PDE4D: variants seen among roughly 807,000 people sequenced by gnomAD.
The protein encoded by PDE4D is 3',5'-cyclic-AMP phosphodiesterase 4D.
In PDE4D, 24 loss-of-function variants were observed where a neutral mutation model predicts 87.4. The observed-to-expected ratio is 0.27, with a 90% CI of 0.20 to 0.39. PDE4D has a LOEUF of 0.39. Ranked by LOEUF, PDE4D falls within the 10% of genes least tolerant of loss-of-function variation. The pLI is 1.00. For missense variants in PDE4D, 714 were observed against 1,041.0 expected (o/e 0.69, Z 4.32); for synonymous variants, 384 against 383.2 (o/e 1.00, Z -0.02).
chr5:60,502,427 CAGG>C (rs1292787076), intron 1 of PDE4D, among the ~76,000 whole-genome samples: 1 of 152,146 alleles, frequency 6.6e-6, no homozygotes, highest in Non-Finnish European at 1.5e-5. Flanking sequence ...AGTTTGAAGT[CAGG>C]TAGTGTGATG....
At chr5:60,415,507 T>C (rs28460011) in intron 1 of PDE4D, among the ~76,000 whole-genome samples, 45,964 of 152,150 alleles carry the variant, frequency 0.3, 8,557 homozygotes, top group African/African-American at 0.53. Context: ...TGAAGGCCAG[T>C]GCGAGTTCCG....
At chr5:60,137,602 T>A (rs1780164779) in intron 2 of PDE4D, among the ~76,000 whole-genome samples, 1 of 152,198 alleles carries the variant, frequency 6.6e-6, no homozygotes, top group Non-Finnish European at 1.5e-5. Flanking sequence ...TTGAGAAGTG[T>A]CTGTTCATGT....
intron 1 of PDE4D, among the ~76,000 whole-genome samples, chr5:59,599,792 C>T (rs1827240162): frequency 6.6e-6 from 1 of 152,142 alleles, no homozygotes; most frequent in Non-Finnish European, 1.5e-5. Flanking sequence ...TCTTCCCCTT[C>T]CTTGGCTATC....
chr5:59,200,731 GTA>G (rs146833326), intron 2 of PDE4D, among the ~76,000 whole-genome samples: 2 of 116,282 alleles, frequency 1.7e-5, no homozygotes, highest in East Asian at 4.5e-4. Context: ...ATATGTGTAT[GTA>G]TATATATACA....
intron 1 of PDE4D, among the ~76,000 whole-genome samples, chr5:59,357,517 T>C (rs1462499914): frequency 2.6e-5 from 4 of 152,180 alleles, no homozygotes; most frequent in South Asian, 2.1e-4. Context: ...GGCAGATCAC[T>C]TTCAGAACTT....
In PDE4D at chr5:58,975,194, T is replaced by C; in HGVS notation, c.2014-114A>G. The stretch of plus-strand genomic sequence containing the variant: ...ACACTGAACAGAAGACTACTAAACT[T>C]AGTTTGGTAAAATTGTCACTATTTT... On this transcript the variant is annotated intron_variant, in intron 14 of 14. Coordinates refer to ENST00000340635, the MANE Select transcript of PDE4D (RefSeq NM_001104631.2). This position sits in a 1 kb window ranked among gnomAD's most constrained non-coding sequence, Gnocchi z 4.2. 1 of 566,950 alleles carries C rather than the reference T, an allele frequency of 1.8e-6. No homozygotes were observed. Among genetic ancestry groups the C allele is most frequent in the Non-Finnish European group, 2.9e-6 (1 of 350,760 alleles). The allele number at this position is 566,950 out of a possible 1,614,324, so 35.1% of individuals were successfully genotyped here.
chr5:59,254,532 A>G (rs917813969), intron 1 of PDE4D, among the ~76,000 whole-genome samples: 3 of 152,042 alleles, frequency 2.0e-5, no homozygotes, highest in Non-Finnish European at 4.4e-5. Flanking sequence ...ATGGTGCCGG[A>G]TGACTCAAAC....
intron 2 of PDE4D, among the ~76,000 whole-genome samples, chr5:60,093,021 A>G (rs550030489): frequency 1.3e-5 from 2 of 152,302 alleles, no homozygotes; most frequent in South Asian, 4.1e-4. Context: ...CCAACAGCTT[A>G]CAAGTGGTTA....
At chr5:59,229,016 CA>C (rs923115822) in intron 1 of PDE4D, among the ~76,000 whole-genome samples, 40 of 150,288 alleles carry the variant, frequency 2.7e-4, no homozygotes, top group South Asian at 1.0e-3. Context: ...TTTGAACAAA[CA>C]AACAAAAAAC....
intron 1 of PDE4D, among the ~76,000 whole-genome samples, chr5:60,468,691 T>A (rs950113551): frequency 6.6e-5 from 10 of 151,764 alleles, no homozygotes; most frequent in Non-Finnish European, 1.3e-4. Flanking sequence ...TCTGGCTAAC[T>A]TTTTTTTCCT....
chr5:59,834,628 C>T lies in PDE4D; in HGVS notation c.455+58540G>A, dbSNP rs139868787. Among the ~76,000 whole-genome samples, 370 of 152,124 alleles carry T rather than the reference C, an allele frequency of 2.4e-3. 2 individuals carry two copies. Among genetic ancestry groups the T allele is most frequent in the African/African-American group, 8.4e-3 (349 of 41,542 alleles). ...AAATTCAAAGGCTAAACATTTACTA[C>T]GCTTCATGCTCTTTGATCGTACTCT... On this transcript the variant is annotated intron_variant, in intron 1 of 14. Coordinates refer to ENST00000340635, the MANE Select transcript of PDE4D (RefSeq NM_001104631.2).
intron 2 of PDE4D, among the ~76,000 whole-genome samples, chr5:60,002,601 A>G (rs1764118576): frequency 6.6e-6 from 1 of 152,208 alleles, no homozygotes; most frequent in Non-Finnish European, 1.5e-5. Context: ...TAGATTTGCA[A>G]GTATGATCCA....
chr5:60,410,206 C>A lies in PDE4D; in HGVS notation c.-90+77736G>T, dbSNP rs538993855. Among the ~76,000 whole-genome samples, 17 of 152,240 alleles carry A rather than the reference C, an allele frequency of 1.1e-4. No homozygotes were observed. The East Asian group carries it at 2.7e-3, about 24-fold the overall frequency. Reference sequence around the variant, plus strand: ...AAGCCTGGCAAATAATGTGATGGCACCCTAGCAAAGGCTGGGTGTGGAGAG... The same window carrying A: ...AAGCCTGGCAAATAATGTGATGGCAACCTAGCAAAGGCTGGGTGTGGAGAG... On this transcript the variant is annotated intron_variant, in intron 1 of 16. Transcript: ENST00000502484.
At chr5:59,463,819 TG>T (rs1801129796) in intron 1 of PDE4D, among the ~76,000 whole-genome samples, 1 of 152,188 alleles carries the variant, frequency 6.6e-6, no homozygotes, top group Non-Finnish European at 1.5e-5. Flanking sequence ...AGATTGTCAC[TG>T]TGTCTGTGTA....
chr5:60,424,981 G>A (rs1434353160), intron 1 of PDE4D, among the ~76,000 whole-genome samples: 1 of 152,208 alleles, frequency 6.6e-6, no homozygotes, highest in Non-Finnish European at 1.5e-5. Flanking sequence ...TACAAGGGAT[G>A]TGAAGGACCT....
rs544661394 is a variant in PDE4D at position 59,168,528 on chromosome 5, A to T, written c.808+12067T>A. On this transcript the variant is annotated intron_variant, in intron 5 of 14. Coordinates refer to ENST00000340635, the MANE Select transcript of PDE4D (RefSeq NM_001104631.2). The stretch of plus-strand genomic sequence containing the variant: ...CTGGCAGGAATCCTTTCCTTAGCTT[A>T]TATAACTATAGAGAGTTTTTAGGGT... Among the ~76,000 whole-genome samples, 36 of 152,302 alleles carry T rather than the reference A, an allele frequency of 2.4e-4. No individual in the cohort carries two copies. The South Asian group carries it at 2.5e-3, about 11-fold the overall frequency.
intron 1 of PDE4D, among the ~76,000 whole-genome samples, chr5:60,404,013 A>G (rs1338592944): frequency 6.6e-6 from 1 of 152,130 alleles, no homozygotes; most frequent in Non-Finnish European, 1.5e-5. Context: ...TTTAGTGTAA[A>G]CTGGCCACTT....
intron 3 of PDE4D, among the ~76,000 whole-genome samples, chr5:59,187,936 T>G (rs1015084172): frequency 6.6e-5 from 10 of 152,132 alleles, no homozygotes; most frequent in Non-Finnish European, 1.2e-4. Flanking sequence ...GCTGACTGAC[T>G]CTTGGTGTCG....
chr5:60,060,715 A>G (rs933398456), intron 2 of PDE4D, among the ~76,000 whole-genome samples: 1 of 151,482 alleles, frequency 6.6e-6, no homozygotes, highest in African/African-American at 2.4e-5. Context: ...TTGTTTTTTC[A>G]TTTTTCCTGA....
Sources: allele counts gnomAD v4.1 joint callset (sites outside exome capture counted in the v4.1 genomes callset), GRCh38; gene constraint gnomAD v4.1.1; non-coding constraint Gnocchi (gnomAD v3.1); transcripts MANE v1.5; gene names NCBI Gene and HGNC (gene_info 2026-07-23, HGNC 2026-07-21).